GON4L: variants seen among roughly 807,000 people sequenced by gnomAD.
GON4L encodes the protein gon-4 like, also known as GON-4-like protein.
In GON4L, 87 loss-of-function variants were observed where a neutral mutation model predicts 211.8. The ratio of observed to expected loss-of-function variants is 0.41; its 90% CI spans 0.35 to 0.49. The LOEUF (loss-of-function observed/expected upper bound fraction) is 0.49. Among genes scored for constraint, GON4L ranks in the 20% least tolerant of loss-of-function variants. The pLI is 0.15. For synonymous variants in GON4L, 875 were observed against 962.6 expected, an observed-to-expected ratio of 0.91 and a Z score of 1.68; for missense variants, 2,155 against 2,659.5, an observed-to-expected ratio of 0.81 and a Z score of 4.17.
At chr1:155,776,746 T>C (rs1188970012) in intron 15 of GON4L, among the ~76,000 whole-genome samples, 1 of 151,776 alleles carries the variant, frequency 6.6e-6, no homozygotes, top group Non-Finnish European at 1.5e-5. Flanking sequence ...AGAGACAGGG[T>C]CTCACTATGT....
At position 155,776,386 on chromosome 1, in the gene GON4L, G is replaced by C; in HGVS notation, c.2178+9C>G. On this transcript the variant is annotated intron_variant, in intron 16 of 31. Coordinates refer to ENST00000368331, the MANE Select transcript of GON4L (RefSeq NM_001282860.2). ...TAGTCTTTAGAGTTATGGATATTTGGAAACTTACAAGAAATATCCTGGTGG... is the reference window on the plus strand; with the variant it reads ...TAGTCTTTAGAGTTATGGATATTTGCAAACTTACAAGAAATATCCTGGTGG... 6.4e-7 allele frequency: 1 copy of C among 1,567,876 alleles called. No homozygotes were observed. The highest frequency in any genetic ancestry group is 8.8e-7 in the Non-Finnish European group (1 of 1,137,936).
intron 7 of GON4L, 98 bp from the exon 8 acceptor site, chr1:155,815,998 T>C: frequency 1.3e-6 from 1 of 771,436 alleles, no homozygotes; most frequent in Non-Finnish European, 2.3e-6. Context: ...AAAAAAAAAA[T>C]CCTAAGAGCA....
rs1465986287 is a variant in GON4L, at chr1:155,848,914, G to A, written c.505+4362C>T. Among the ~76,000 whole-genome samples, 4 of 152,206 alleles carry A rather than the reference G, an allele frequency of 2.6e-5. No homozygotes were observed. The South Asian group carries it at 6.2e-4, about 24-fold the overall frequency. On this transcript the variant is annotated intron_variant, in intron 2 of 31. Transcript: ENST00000368331. Reference sequence around the variant, plus strand: ...TGTAATCCCAGCACTTTGGGAGGCCGAGGCAGGCGGATCACCTGAAGTCAG... The same window carrying A: ...TGTAATCCCAGCACTTTGGGAGGCCAAGGCAGGCGGATCACCTGAAGTCAG...
At chr1:155,852,600 G>A (rs187398698) in intron 2 of GON4L, among the ~76,000 whole-genome samples, 140 of 152,096 alleles carry the variant, frequency 9.2e-4, no homozygotes, top group African/African-American at 3.3e-3. Context: ...AAAATTGGCC[G>A]GGCATGGTGG....
intron 2 of GON4L, among the ~76,000 whole-genome samples, chr1:155,851,195 A>C (rs1671756799): frequency 6.6e-6 from 1 of 151,790 alleles, no homozygotes; most frequent in Non-Finnish European, 1.5e-5. Context: ...TCTACTAAAA[A>C]TACAAAAAAT....
Position 155,853,748 on chromosome 1 carries a change from C to T in GON4L, c.33G>A (p.Val11=). 1 of 1,613,564 alleles carries T rather than the reference C, an allele frequency of 6.2e-7. No homozygotes were observed. Among genetic ancestry groups the T allele is most frequent in the Non-Finnish European group, 8.5e-7 (1 of 1,179,454 alleles). MLPCKKRRTT[V]TESLQHKGNQ... ...TGCCTTTATGCTGTAGGGACTCTGT[C>T]ACTGTAGTTCTTCTCTTCTTACAGG... The change falls in exon 2 of 32, where the codon GTG becomes GTA. Residue 11 remains valine (V), a synonymous_variant. Coordinates refer to ENST00000368331, the MANE Select transcript of GON4L (RefSeq NM_001282860.2).
At chr1:155,773,248 G>A (rs1043077033) in intron 17 of GON4L, 38 bp from the exon 18 acceptor site, 2 of 1,611,460 alleles carry the variant, frequency 1.2e-6, no homozygotes, top group Non-Finnish European at 1.7e-6. Context: ...CAACTTCTAG[G>A]ACAAAAGAGG....
Position 155,821,568 on chromosome 1 carries a change from C to T in GON4L, c.889-20G>A. On this transcript the variant is annotated intron_variant, in intron 4 of 31. Coordinates refer to ENST00000368331, the MANE Select transcript of GON4L (RefSeq NM_001282860.2). Reference sequence around the variant, plus strand: ...TACTTCCTGGAGAAAGATGAAATTTCACTTTATGCAACAAGGGTTTGTCAC... The same window carrying T: ...TACTTCCTGGAGAAAGATGAAATTTTACTTTATGCAACAAGGGTTTGTCAC... 6.8e-7 allele frequency: 1 copy of T among 1,464,222 alleles called. No homozygotes were observed. The highest frequency in any genetic ancestry group is 1.7e-4 in the Middle Eastern group (1 of 5,754). 90.7% of individuals were successfully genotyped at this position (1,464,222 alleles called of 1,614,324 possible). A position where few individuals can be genotyped will look rare whatever the true frequency, so the allele number is the denominator to read the frequency against.
Position 155,757,063 on chromosome 1 carries a change from T to G in GON4L, c.5412A>C (p.Glu1804Asp). 1 of 1,613,934 alleles carries G rather than the reference T, an allele frequency of 6.2e-7. No individual in the cohort carries two copies. Reference protein sequence around the residue: ...EEKEYEFDGFEEVALPDVEEE... With the variant: ...EEKEYEFDGFDEVALPDVEEE... ...CTTCCACATCAGGCAGGGCCACTTC[T>G]TCAAAGCCATCAAACTGAGAAGGAG... Residue 1804 changes from glutamate to aspartate, a missense_variant, in exon 27 of 32, where the codon GAA (glutamate) becomes GAC (aspartate). Around this residue, in one of 6 missense-constraint regions of GON4L, gnomAD observed 455 missense variants for 504.6 expected, o/e 0.90. Transcript: ENST00000368331.
intron 11 of GON4L, among the ~76,000 whole-genome samples, chr1:155,801,015 G>A (rs1296940798): frequency 6.7e-6 from 1 of 150,200 alleles, no homozygotes; most frequent in Non-Finnish European, 1.5e-5. Flanking sequence ...CCTACAAAGT[G>A]GTTAGAACTA....
At chr1:155,766,732 G>A in intron 20 of GON4L, 23 bp from the exon 21 acceptor site, 8 of 1,613,654 alleles carry the variant, frequency 5.0e-6, no homozygotes, top group Non-Finnish European at 6.8e-6. Flanking sequence ...AGAACACTCT[G>A]ATCCAGCATA....
intron 16 of GON4L, among the ~76,000 whole-genome samples, chr1:155,775,471 T>TTTTC (rs1553201123): frequency 6.7e-6 from 1 of 148,600 alleles, no homozygotes. Flanking sequence ...TTTTTTTTTT[T>TTTTC]CGAGACGGAG....
In GON4L at chr1:155,813,616, TAC is replaced by T; in HGVS notation, c.1452+16_1452+17del. 3 of 1,589,432 alleles carry T rather than the reference TAC, an allele frequency of 1.9e-6. No individual in the cohort carries two copies. Among genetic ancestry groups the T allele is most frequent in the Non-Finnish European group, 8.6e-7 (1 of 1,157,542 alleles). On this transcript the variant is annotated intron_variant, in intron 10 of 31. Transcript: ENST00000368331. ...ACTCCACTTGACTTTCTCAGTTAAG[TAC>T]AGTTTTAATATTTACCTGGAAAGAA...
At chr1:155,823,715 T>C (rs1480556807) in intron 3 of GON4L, among the ~76,000 whole-genome samples, 1 of 151,966 alleles carries the variant, frequency 6.6e-6, no homozygotes, top group East Asian at 1.9e-4. Flanking sequence ...GCCAACATGG[T>C]GAAACCTCGT....
Position 155,769,615 on chromosome 1 carries a change from T to G in GON4L, c.2646+1452A>C, listed in dbSNP as rs577178213. ...ACCTTTACTGTTGACCTGGGAATAA[T>G]TACATAATAAAATCAAGTCCAGCCC... is the stretch of plus-strand genomic sequence containing the variant. On this transcript the variant is annotated intron_variant, in intron 19 of 31. Coordinates refer to ENST00000368331, the MANE Select transcript of GON4L (RefSeq NM_001282860.2). 3.9e-5 allele frequency among the ~76,000 whole-genome samples: 6 copies of G among 152,126 alleles called. No homozygotes were observed. The South Asian group carries it at 1.2e-3, about 32-fold the overall frequency.
chr1:155,849,534 ACT>A (rs1480246943), intron 2 of GON4L, among the ~76,000 whole-genome samples: 4 of 133,854 alleles, frequency 3.0e-5, no homozygotes, highest in South Asian at 2.4e-4. Context: ...ACAGAGAAAG[ACT>A]CTGTCTCAAA....
rs747649090 is a variant in GON4L at position 155,754,415 on chromosome 1, T to A, written c.5591A>T (p.Lys1864Met). ...CHEGGPDSKL[K>M]KSKRRSCSHC... ...GCTACAGCTCCGCCTTTTGCTCTTC[T>A]TCAGCTTGGAATCTGGACCTCCTTC... The change falls in exon 28 of 32, where the codon AAG (lysine) becomes ATG (methionine). Residue 1864 changes from lysine (K) to methionine (M), a missense_variant. Physicochemically the swap from Lys to Met is moderately conservative, Grantham distance 95 (BLOSUM62 -1). Coordinates refer to ENST00000368331, the MANE Select transcript of GON4L (RefSeq NM_001282860.2). The A allele has an allele frequency of 8.1e-6, 13 of 1,613,538 alleles. No homozygotes were observed. Among genetic ancestry groups the A allele is most frequent in the Non-Finnish European group, 1.0e-5 (12 of 1,179,562 alleles).
intron 2 of GON4L, chr1:155,845,842 C>T: frequency 4.0e-6 from 1 of 251,392 alleles, no homozygotes; most frequent in Admixed American, 4.0e-5. Flanking sequence ...AGCATGTGAC[C>T]AGTGAAACTG....
At chr1:155,850,041 A>C (rs1671639328) in intron 2 of GON4L, among the ~76,000 whole-genome samples, 1 of 151,438 alleles carries the variant, frequency 6.6e-6, no homozygotes, top group Non-Finnish European at 1.5e-5. Context: ...GGGAGAATAA[A>C]GAAAAACCTT....
Sources: gnomAD v4.1 joint callset for allele counts (sites outside exome capture counted in the v4.1 genomes callset) on GRCh38, gnomAD v4.1.1 for gene constraint, gnomAD v4.1.1 regional missense constraint, MANE v1.5 for transcripts, NCBI Gene and HGNC (gene_info 2026-07-23, HGNC 2026-07-21) for gene names.